The following EPHA2 variants were observed in gnomAD, a reference collection of about 807,000 sequenced individuals.
EPHA2 encodes EPH receptor A2, also known as ephrin type-A receptor 2.
EPHA2 carries 54 observed loss-of-function variants against 104.9 expected under a neutral mutation model. The ratio of observed to expected loss-of-function variants is 0.51; its 90% CI spans 0.41 to 0.65. The LOEUF (loss-of-function observed/expected upper bound fraction) is 0.65. Ranked by LOEUF, EPHA2 falls within the 30% of genes least tolerant of loss-of-function variation. EPHA2 has a pLI of 0.00. For missense variants in EPHA2, 1,117 were observed against 1,369.5 expected, an observed-to-expected ratio of 0.82 and a Z score of 2.91; for synonymous variants, 560 against 559.1, an observed-to-expected ratio of 1.00 and a Z score of -0.02.
rs752213403 is a variant in EPHA2 at position 16,132,049 on chromosome 1, C to T, written c.2325+15G>A. The T allele has an allele frequency of 6.2e-6, 10 of 1,614,100 alleles. No homozygotes were observed. In the South Asian group the frequency reaches 1.1e-4, roughly 18 times the overall value. Reference sequence around the variant, plus strand: ...GAAGGCCGCTTCTCCCTTGAGGTCCCCTTCCCCAACTTACACTGGTGGTGT... The same window carrying T: ...GAAGGCCGCTTCTCCCTTGAGGTCCTCTTCCCCAACTTACACTGGTGGTGT... On this transcript the variant is annotated intron_variant, in intron 13 of 16. Coordinates refer to ENST00000358432, the MANE Select transcript of EPHA2 (RefSeq NM_004431.5).
rs376140393 is a variant in EPHA2, at chr1:16,135,784, G to A, written c.1313-14C>T. 1 of 1,512,728 alleles carries A rather than the reference G, an allele frequency of 6.6e-7. No individual in the cohort carries two copies. The highest frequency in any genetic ancestry group is 9.2e-7 in the Non-Finnish European group (1 of 1,090,764). 93.7% of individuals were successfully genotyped at this position (1,512,728 alleles called of 1,614,324 possible). ...CCTTGGGGGGCTCTGGGCAGGACAG[G>A]CAGTGGGGGAAGTGGGTAAGAAGCT... On this transcript the variant is annotated splice_polypyrimidine_tract_variant and intron_variant, in intron 5 of 16. Transcript: ENST00000358432. The surrounding 1 kb of genome is among the most constrained non-coding windows in gnomAD (Gnocchi z 4.3).
At chr1:16,133,678 A>G in intron 9 of EPHA2, 72 bp from the exon 10 acceptor site, 2 of 1,601,896 alleles carry the variant, frequency 1.2e-6, no homozygotes, top group Non-Finnish European at 1.7e-6. Context: ...GAGTCAGAGG[A>G]GAAGGTCACG....
intron 3 of EPHA2, among the ~76,000 whole-genome samples, chr1:16,145,763 A>C (rs2124252717): frequency 6.6e-6 from 1 of 152,224 alleles, no homozygotes; most frequent in African/African-American, 2.4e-5. Context: ...TTCCAAAGGA[A>C]CTGGTCACTT....
chr1:16,129,365 G>A (rs981663395), intron 16 of EPHA2, 69 bp downstream of exon 16: 7 of 1,560,390 alleles, frequency 4.5e-6, no homozygotes, highest in Non-Finnish European at 5.2e-6. Context: ...GAGGGCTGGG[G>A]GGGGCATGGA....
intron 16 of EPHA2, among the ~76,000 whole-genome samples, chr1:16,127,987 G>A (rs2024500895): frequency 6.6e-6 from 1 of 152,186 alleles, no homozygotes; most frequent in Non-Finnish European, 1.5e-5. Flanking sequence ...AGGCTGTGTT[G>A]TCCTTGGTGG....
chr1:16,153,648 G>A (rs1302327985), intron 1 of EPHA2, among the ~76,000 whole-genome samples: 1 of 152,192 alleles, frequency 6.6e-6, no homozygotes, highest in Non-Finnish European at 1.5e-5. Context: ...GCAAGGGCTC[G>A]GGCCTCCCTC....
chr1:16,124,784 T>C lies in EPHA2; in HGVS notation c.*431A>G, dbSNP rs1022980057. 1.0e-5 allele frequency: 2 copies of C among 192,358 alleles called. No homozygotes were observed. Among genetic ancestry groups the C allele is most frequent in the Admixed American group, 5.2e-5 (1 of 19,118 alleles). The allele number at this position is 192,358 out of a possible 1,614,324, so 11.9% of individuals were successfully genotyped here. On this transcript the variant is annotated 3_prime_UTR_variant, in exon 17 of 17. Transcript: ENST00000358432. ...CGCTTTGGGTCTCACCCAGTCAAGT[T>C]CACAGTCTGCCCTCTTAGTGTGAGG...
Position 16,133,844 on chromosome 1 carries a change from G to T in EPHA2, c.1738+16C>A. 2 of 1,541,246 alleles carry T rather than the reference G, an allele frequency of 1.3e-6. No homozygotes were observed. Among genetic ancestry groups the T allele is most frequent in the Non-Finnish European group, 1.8e-6 (2 of 1,140,898 alleles). ...GTGCGGGCAGGGCTGGGCCTGGAGC[G>T]GGGGCTGCGTCTCACCTGACTTGGA... On this transcript the variant is annotated intron_variant, in intron 9 of 16. Coordinates refer to ENST00000358432, the MANE Select transcript of EPHA2 (RefSeq NM_004431.5).
intron 1 of EPHA2, among the ~76,000 whole-genome samples, chr1:16,154,002 T>TC (rs1157159771): frequency 6.6e-6 from 1 of 151,406 alleles, no homozygotes; most frequent in Non-Finnish European, 1.5e-5. Flanking sequence ...CACAAGCCTT[T>TC]CCCCCTGCAT....
intron 3 of EPHA2, among the ~76,000 whole-genome samples, chr1:16,147,218 A>G (rs1480983989): frequency 6.6e-6 from 1 of 152,220 alleles, no homozygotes; most frequent in Admixed American, 6.5e-5. Flanking sequence ...AGTCTGAATG[A>G]ATTGGCCCTT....
Position 16,135,648 on chromosome 1 carries a change from G to C in EPHA2, c.1428+7C>G, listed in dbSNP as rs1395812470. ...GCTAGAGCCAGCCCCGCCCCTCTGG[G>C]AGTTACCTTCTTGCGGTAAGTGACC... is the stretch of plus-strand genomic sequence containing the variant. On this transcript the variant is annotated splice_region_variant and intron_variant, in intron 6 of 16. Transcript: ENST00000358432. This position sits in a 1 kb window ranked among gnomAD's most constrained non-coding sequence, Gnocchi z 4.3. 6.2e-7 allele frequency: 1 copy of C among 1,613,460 alleles called. No homozygotes were observed. The highest frequency in any genetic ancestry group is 8.5e-7 in the Non-Finnish European group (1 of 1,179,642).
intron 3 of EPHA2, among the ~76,000 whole-genome samples, chr1:16,142,060 TCA>T (rs2024833591): frequency 6.6e-6 from 1 of 151,932 alleles, no homozygotes; most frequent in South Asian, 2.1e-4. Context: ...GGGACAGGGG[TCA>T]CACACACTCA....
At position 16,134,664 on chromosome 1, in the gene EPHA2, G is replaced by T; in HGVS notation, c.1583-97C>A. ...GACACCTGGGCCCCTACTGTGTGCT[G>T]GGTGCTTGCACTTGGGAAGGCTCCA... On this transcript the variant is annotated intron_variant, in intron 7 of 16. Transcript: ENST00000358432. This position sits in a 1 kb window ranked among gnomAD's most constrained non-coding sequence, Gnocchi z 4.5. 7.6e-7 allele frequency: 1 copy of T among 1,319,280 alleles called. No individual in the cohort carries two copies. The highest frequency in any genetic ancestry group is 1.1e-6 in the Non-Finnish European group (1 of 933,272). 81.7% of individuals were successfully genotyped at this position (1,319,280 alleles called of 1,614,324 possible). A position where few individuals can be genotyped will look rare whatever the true frequency, so the allele number is the denominator to read the frequency against.
Position 16,133,527 on chromosome 1 carries a change from G to C in EPHA2, c.1818C>G (p.Thr606=). The part of the protein sequence containing the change: ...DPNQAVLKFT[T]EIHPSCVTRQ... ...GAGTGACACAGGATGGATGGATCTC[G>C]GTAGTGAACTTCAACACAGCCTGGT... The change falls in exon 10 of 17, where the codon ACC becomes ACG. Residue 606 remains threonine (T), a synonymous_variant. Transcript: ENST00000358432. 3 of 1,614,116 alleles carry C rather than the reference G, an allele frequency of 1.9e-6. No individual in the cohort carries two copies. The highest frequency in any genetic ancestry group is 1.7e-6 in the Non-Finnish European group (2 of 1,179,980).
Position 16,133,203 on chromosome 1 carries a change from C to T in EPHA2, c.2030G>A (p.Arg677His), listed in dbSNP as rs145962326. 18 of 1,613,562 alleles carry T rather than the reference C, an allele frequency of 1.1e-5. No individual in the cohort carries two copies. The Admixed American group carries it at 1.2e-4, about 10-fold the overall frequency. Residue 677 changes from arginine (R) to histidine (H), a missense_variant, in exon 11 of 17, where the codon CGC (arginine) becomes CAC (histidine). This residue lies in a region of EPHA2 where 340 missense variants were observed against 480.5 expected (regional missense o/e 0.71). Coordinates refer to ENST00000358432, the MANE Select transcript of EPHA2 (RefSeq NM_004431.5). ...MGQFSHHNII[R>H]LEGVISKYKP... ...ACATTTGGAGATGACGCCCTCTAGG[C>T]GGATGATGTTGTGGTGGCTGAACTG...
chr1:16,125,295 G>T lies in EPHA2; in HGVS notation c.2851C>A (p.Leu951Met). The change falls in exon 17 of 17, where the codon CTG (leucine) becomes ATG (methionine). Residue 951 changes from leucine to methionine, a missense_variant. Transcript: ENST00000358432. The surrounding 1 kb of genome is among the most constrained non-coding windows in gnomAD (Gnocchi z 4.9). ...NDDIKRIGVR[L>M]PGHQKRIAYS... ...GCGATGCGCTTCTGGTGGCCGGGCAGCCGCACCCCAATCCTCTTGATGTCG... is the reference window on the plus strand; with the variant it reads ...GCGATGCGCTTCTGGTGGCCGGGCATCCGCACCCCAATCCTCTTGATGTCG... The T allele has an allele frequency of 1.3e-6, 2 of 1,564,410 alleles. No homozygotes were observed. The highest frequency in any genetic ancestry group is 2.5e-5 in the East Asian group (1 of 40,194).
At chr1:16,154,079 C>T (rs1397819329) in intron 1 of EPHA2, among the ~76,000 whole-genome samples, 1 of 152,110 alleles carries the variant, frequency 6.6e-6, no homozygotes, top group Admixed American at 6.5e-5. Context: ...GGGACAAGGA[C>T]AAGGCAGCTC....
In EPHA2 at chr1:16,134,543, G is replaced by T; in HGVS notation, c.1607C>A (p.Ala536Glu). ...ACCGACAGCCACGCCGCCAATCACCGCCAAGTTGCCAGATCCCTCCGGGGC... is the reference window on the plus strand; with the variant it reads ...ACCGACAGCCACGCCGCCAATCACCTCCAAGTTGCCAGATCCCTCCGGGGC... ...TLSPEGSGNL[A>E]VIGGVAVGVV... Residue 536 changes from alanine to glutamate, a missense_variant, in exon 8 of 17, where the codon GCG becomes GAG. Ala to Glu is a moderately radical substitution (Grantham distance 107, BLOSUM62 -1). This residue lies in a region of EPHA2 where 664 missense variants were observed against 784.8 expected (regional missense o/e 0.85). Transcript: ENST00000358432. The surrounding 1 kb of genome is among the most constrained non-coding windows in gnomAD (Gnocchi z 4.5). 1.2e-6 allele frequency: 2 copies of T among 1,614,038 alleles called. No individual in the cohort carries two copies. Among genetic ancestry groups the T allele is most frequent in the African/African-American group, 1.3e-5 (1 of 75,020 alleles).
chr1:16,130,399 ATCATTGAT>A lies in EPHA2; in HGVS notation c.2488_2495del (p.Ile830TrpfsTer34). Reference sequence around the variant, plus strand: ...CCATGGGTGTGGGGAGCCGGAAGCCATCATTGATGGCTTTCATCACCTGGCGGGGCACG... The same window carrying A: ...CCATGGGTGTGGGGAGCCGGAAGCCAGGCTTTCATCACCTGGCGGGGCACG... On this transcript the variant is annotated frameshift_variant, in exon 15 of 17. Transcript: ENST00000358432. LOFTEE classifies it high-confidence loss of function. The surrounding 1 kb of genome is among the most constrained non-coding windows in gnomAD (Gnocchi z 4.5). The A allele has an allele frequency of 1.3e-6, 2 of 1,548,182 alleles. No homozygotes were observed. Among genetic ancestry groups the A allele is most frequent in the Non-Finnish European group, 8.7e-7 (1 of 1,144,162 alleles).
Sources: gnomAD v4.1 joint callset for allele counts (sites outside exome capture counted in the v4.1 genomes callset) on GRCh38, gnomAD v4.1.1 for gene constraint, gnomAD v4.1.1 regional missense constraint, Gnocchi (gnomAD v3.1) non-coding constraint, MANE v1.5 for transcripts, NCBI Gene and HGNC (gene_info 2026-07-23, HGNC 2026-07-21) for gene names.